The following TBC1D4 variants were observed in gnomAD, a reference collection of about 807,000 sequenced individuals.
TBC1D4 encodes the protein TBC (Tre-2, BUB2, CDC16) domain-containing protein.
In TBC1D4, 121 loss-of-function variants were observed where a neutral mutation model predicts 142.5. The ratio of observed to expected loss-of-function variants is 0.85; its 90% CI spans 0.73 to 0.99. The LOEUF is 0.99. Among genes scored for constraint, TBC1D4 ranks in the 50% least tolerant of loss-of-function variants. The probability of loss-of-function intolerance (pLI) is 0.00; values close to 1 mark genes in which losing one functional copy is unlikely to be tolerated. For synonymous variants in TBC1D4, 630 were observed against 628.2 expected, an observed-to-expected ratio of 1.00 and a Z score of -0.04; for missense variants, 1,475 against 1,606.6, an observed-to-expected ratio of 0.92 and a Z score of 1.40.
chr13:75,421,370 T>G (rs1336554003), intron 1 of TBC1D4, among the ~76,000 whole-genome samples: 1 of 152,174 alleles, frequency 6.6e-6, no homozygotes, highest in East Asian at 1.9e-4. Flanking sequence ...CTTTGTGAAC[T>G]CAGCTGGGGA....
At chr13:75,332,769 A>G (rs1879859884) in intron 8 of TBC1D4, among the ~76,000 whole-genome samples, 1 of 152,240 alleles carries the variant, frequency 6.6e-6, no homozygotes, top group East Asian at 1.9e-4. Flanking sequence ...AATGGCATTC[A>G]CAATTGATCA....
intron 1 of TBC1D4, among the ~76,000 whole-genome samples, chr13:75,473,362 A>G (rs9742605): frequency 6.6e-6 from 1 of 152,250 alleles, no homozygotes; most frequent in East Asian, 1.9e-4. Flanking sequence ...GTAAGATACA[A>G]AAGAAGATAC....
At chr13:75,400,209 C>T (rs542070705) in intron 1 of TBC1D4, among the ~76,000 whole-genome samples, 2 of 152,286 alleles carry the variant, frequency 1.3e-5, no homozygotes, top group South Asian at 4.1e-4. Flanking sequence ...CTCCTTTCAC[C>T]CCATCCTACC....
chr13:75,354,472 A>C (rs1329552411), intron 4 of TBC1D4, among the ~76,000 whole-genome samples: 1 of 152,220 alleles, frequency 6.6e-6, no homozygotes, highest in African/African-American at 2.4e-5. Flanking sequence ...TCTTTCAGTC[A>C]ATAGGATTTG....
At chr13:75,307,489 TTCTTC>T (rs1877301558) in intron 14 of TBC1D4, among the ~76,000 whole-genome samples, 1 of 152,116 alleles carries the variant, frequency 6.6e-6, no homozygotes, top group Non-Finnish European at 1.5e-5. Flanking sequence ...AAGAGTATAC[TTCTTC>T]TCTTCATTAG....
At chr13:75,456,025 C>A (rs1487969600) in intron 1 of TBC1D4, among the ~76,000 whole-genome samples, 3 of 151,494 alleles carry the variant, frequency 2.0e-5, no homozygotes. Context: ...GGGACAGGGT[C>A]CCACTATGTT....
rs755430210 is a variant in TBC1D4 at position 75,348,939 on chromosome 13, T to TAGAGAG, written c.1408+225_1408+230dup. On this transcript the variant is annotated intron_variant, in intron 5 of 20. Transcript: ENST00000377636. ...TGAGAGAGAGAGAGAGGAGAGAGAG[T>TAGAGAG]AGAGAGAGAGAGAGAGTGTGTGTGT... 2.3e-3 allele frequency among the ~76,000 whole-genome samples: 306 copies of TAGAGAG among 131,156 alleles called. 2 individuals are homozygous for TAGAGAG. Among genetic ancestry groups the TAGAGAG allele is most frequent in the African/African-American group, 9.0e-3 (295 of 32,644 alleles). The allele number at this position is 131,156 out of a possible 152,430, so 86.0% of individuals were successfully genotyped here. A position where few individuals can be genotyped will look rare whatever the true frequency, so the allele number is the denominator to read the frequency against.
intron 1 of TBC1D4, among the ~76,000 whole-genome samples, chr13:75,404,085 C>T (rs571541627): frequency 1.3e-5 from 2 of 152,046 alleles, no homozygotes; most frequent in South Asian, 2.1e-4. Context: ...CACACACACA[C>T]ACATCTCCCC....
intron 1 of TBC1D4, among the ~76,000 whole-genome samples, chr13:75,445,532 C>T (rs908099332): frequency 1.3e-5 from 2 of 152,174 alleles, no homozygotes; most frequent in African/African-American, 4.8e-5. Flanking sequence ...CCTTTCTAAA[C>T]TGTAAAATCT....
Position 75,362,013 on chromosome 13 carries a change from C to T in TBC1D4, c.1080+13G>A. ...TTTTGGGGCAAGGGCAGACAGCGTCCGATCAGGTGTACCTGGAAGAGCATG... is the reference window on the plus strand; with the variant it reads ...TTTTGGGGCAAGGGCAGACAGCGTCTGATCAGGTGTACCTGGAAGAGCATG... On this transcript the variant is annotated intron_variant, in intron 2 of 20. Coordinates refer to ENST00000377636, the MANE Select transcript of TBC1D4 (RefSeq NM_014832.5). This position sits in a 1 kb window ranked among gnomAD's most constrained non-coding sequence, Gnocchi z 4.2. 1 of 1,614,074 alleles carries T rather than the reference C, an allele frequency of 6.2e-7. No individual in the cohort carries two copies. Among genetic ancestry groups the T allele is most frequent in the Non-Finnish European group, 8.5e-7 (1 of 1,179,982 alleles).
In TBC1D4 at chr13:75,334,694, G is replaced by A. The variant is rs907216329; in HGVS notation, c.1731+2227C>T. On this transcript the variant is annotated intron_variant, in intron 8 of 20. Coordinates refer to ENST00000377636, the MANE Select transcript of TBC1D4 (RefSeq NM_014832.5). ...TGCCTGCTGGGTTCCAGTGATTCTC[G>A]TGCCTCAGCCTCCTGAGTAGCTGGG... Among the ~76,000 whole-genome samples the A allele has an allele frequency of 6.5e-4, 99 of 151,874 alleles. 1 individual carries two copies. Among genetic ancestry groups the A allele is most frequent in the African/African-American group, 2.3e-3 (94 of 41,406 alleles).
At chr13:75,308,466 TC>T (rs1566361930) in intron 14 of TBC1D4, among the ~76,000 whole-genome samples, 1 of 152,170 alleles carries the variant, frequency 6.6e-6, no homozygotes, top group Non-Finnish European at 1.5e-5. Context: ...TCTCTACCTT[TC>T]CCAAGCCAGT....
chr13:75,480,660 T>C (rs1888803172), intron 1 of TBC1D4, among the ~76,000 whole-genome samples: 1 of 152,222 alleles, frequency 6.6e-6, no homozygotes, highest in African/African-American at 2.4e-5. Flanking sequence ...AATATCCAAA[T>C]GTAGAATCCT....
At position 75,362,743 on chromosome 13, in the gene TBC1D4, G is replaced by A. The variant is rs17064251; in HGVS notation, c.499-136C>T. The A allele has an allele frequency of 3.3e-3, 2,805 of 859,652 alleles. 90 individuals are homozygous for A. In the East Asian group the frequency reaches 0.065, roughly 20 times the overall value. The allele number at this position is 859,652 out of a possible 1,614,324, so 53.3% of individuals were successfully genotyped here. Reference sequence around the variant, plus strand: ...AAAGTAATAGACACTACACGAGACAGAGCATACACTTACATTATTTGACAT... The same window carrying A: ...AAAGTAATAGACACTACACGAGACAAAGCATACACTTACATTATTTGACAT... On this transcript the variant is annotated intron_variant, in intron 1 of 20. Transcript: ENST00000377636. The surrounding 1 kb of genome is among the most constrained non-coding windows in gnomAD (Gnocchi z 4.2).
intron 1 of TBC1D4, among the ~76,000 whole-genome samples, chr13:75,410,935 CAAAAAAAAAAAAAAAAAAA>C (rs60172018): frequency 3.2e-5 from 2 of 63,212 alleles, no homozygotes; most frequent in Non-Finnish European, 5.3e-5. Flanking sequence ...GACTCCGTCT[CAAAAAAAAAAAAAAAAAAA>C]AAAAAAAAAA....
intron 1 of TBC1D4, among the ~76,000 whole-genome samples, chr13:75,382,896 T>C (rs1883931582): frequency 1.3e-5 from 2 of 152,262 alleles, no homozygotes; most frequent in South Asian, 2.1e-4. Context: ...CCCGTCTCTT[T>C]TGACTTCTTT....
At chr13:75,385,776 T>C (rs1434894265) in intron 1 of TBC1D4, among the ~76,000 whole-genome samples, 14 of 152,224 alleles carry the variant, frequency 9.2e-5, no homozygotes, top group Admixed American at 9.2e-4. Flanking sequence ...ATTATTATCC[T>C]CATTTTACTG....
Position 75,362,393 on chromosome 13 carries a change from T to C in TBC1D4, c.713A>G (p.Lys238Arg). 1 of 1,614,244 alleles carries C rather than the reference T, an allele frequency of 6.2e-7. No individual in the cohort carries two copies. The highest frequency in any genetic ancestry group is 2.2e-5 in the East Asian group (1 of 44,882). The change falls in exon 2 of 21, where the codon AAG becomes AGG. Residue 238 changes from lysine (K) to arginine (R), a missense_variant. Coordinates refer to ENST00000377636, the MANE Select transcript of TBC1D4 (RefSeq NM_014832.5). This position sits in a 1 kb window ranked among gnomAD's most constrained non-coding sequence, Gnocchi z 4.2. ...CGGACCGCGCTGCTCCCCTTGGATCTTCAGGCGCTGCTGTTCGTGCAGGCT... is the reference window on the plus strand; with the variant it reads ...CGGACCGCGCTGCTCCCCTTGGATCCTCAGGCGCTGCTGTTCGTGCAGGCT... ...KFSLHEQQRLKIQGEQRGPDP... is the reference protein window; with the variant it reads ...KFSLHEQQRLRIQGEQRGPDP...
intron 1 of TBC1D4, among the ~76,000 whole-genome samples, chr13:75,366,452 G>GA (rs11410178): frequency 0.81 from 122,688 of 152,098 alleles, 49,917 homozygotes; most frequent in African/African-American, 0.92. Flanking sequence ...TCAAGAGAGG[G>GA]AAAAATCACC....
Sources: gnomAD v4.1 joint callset for allele counts (sites outside exome capture counted in the v4.1 genomes callset) on GRCh38, gnomAD v4.1.1 for gene constraint, Gnocchi (gnomAD v3.1) non-coding constraint, MANE v1.5 for transcripts, NCBI Gene and HGNC (gene_info 2026-07-23, HGNC 2026-07-21) for gene names.